GAREM1: variants seen among roughly 807,000 people sequenced by gnomAD.
GAREM1 encodes GRB2-associated and regulator of MAPK protein 1.
GAREM1 carries 26 observed loss-of-function variants against 71.3 expected under a neutral mutation model. That is an observed-to-expected ratio of 0.36 (90% CI 0.27 to 0.51). GAREM1 has a LOEUF of 0.51. Among genes scored for constraint, GAREM1 ranks in the 20% least tolerant of loss-of-function variants. The probability of loss-of-function intolerance (pLI) is 0.95; values close to 1 mark genes in which losing one functional copy is unlikely to be tolerated. For synonymous variants in GAREM1, 440 were observed against 433.2 expected (o/e 1.02, Z -0.20); for missense variants, 1,026 against 1,103.1 (o/e 0.93, Z 0.99).
chr18:32,321,261 T>G (rs975840024), intron 2 of GAREM1, among the ~76,000 whole-genome samples: 19 of 152,214 alleles, frequency 1.2e-4, no homozygotes, highest in Admixed American at 1.0e-3. Flanking sequence ...CTGCTCCACT[T>G]AGCTTATGCA....
intron 1 of GAREM1, among the ~76,000 whole-genome samples, chr18:32,465,586 T>G (rs1157841416): frequency 1.3e-5 from 2 of 152,164 alleles, no homozygotes; most frequent in Admixed American, 1.3e-4. Flanking sequence ...TTCTTCCCTC[T>G]CCCTGCCTTT....
chr18:32,412,821 T>A, intron 1 of GAREM1: 1 of 692,818 alleles, frequency 1.4e-6, no homozygotes, highest in East Asian at 2.7e-5. Context: ...TCTTAGGTGA[T>A]GTTCTTCAGT....
At chr18:32,295,895 T>C (rs563148352) in intron 3 of GAREM1, among the ~76,000 whole-genome samples, 3 of 152,302 alleles carry the variant, frequency 2.0e-5, no homozygotes, top group African/African-American at 2.4e-5. Flanking sequence ...TCGGTATTCA[T>C]CTGGTTCTAA....
intron 2 of GAREM1, among the ~76,000 whole-genome samples, chr18:32,375,384 T>C (rs1042190995): frequency 6.6e-6 from 1 of 152,200 alleles, no homozygotes; most frequent in Non-Finnish European, 1.5e-5. Flanking sequence ...TGACTTCATA[T>C]GGCCATCCCA....
intron 1 of GAREM1, among the ~76,000 whole-genome samples, chr18:32,442,864 G>A (rs2048752552): frequency 6.6e-6 from 1 of 152,154 alleles, no homozygotes; most frequent in Non-Finnish European, 1.5e-5. Flanking sequence ...AGAGCCTTCA[G>A]CACTACACTG....
chr18:32,447,405 C>T lies in GAREM1; in HGVS notation c.121+22903G>A, dbSNP rs377094063. Among the ~76,000 whole-genome samples, 9 of 152,178 alleles carry T rather than the reference C, an allele frequency of 5.9e-5. No individual in the cohort carries two copies. The South Asian group carries it at 1.5e-3, about 25-fold the overall frequency. ...TTAAAAGCTTATTAACAAAACCATT[C>T]GTCAAATAAATTTCTGAGTCACAGT... On this transcript the variant is annotated intron_variant, in intron 1 of 5. Coordinates refer to ENST00000269209, the MANE Select transcript of GAREM1 (RefSeq NM_001242409.2).
rs1015928527 is a variant in GAREM1, at chr18:32,352,343, C to T, written c.262+40552G>A. On this transcript the variant is annotated intron_variant, in intron 2 of 5. Transcript: ENST00000269209. ...TGGGGAAAATGCATCCCGTGGCCAG[C>T]GACACCTGGGGCGGCAAGAGCATCC... 3.2e-4 allele frequency among the ~76,000 whole-genome samples: 48 copies of T among 152,184 alleles called. 1 individual carries two copies. Among genetic ancestry groups the T allele is most frequent in the Non-Finnish European group, 8.8e-5 (6 of 68,044 alleles).
At chr18:32,385,745 G>A (rs770215088) in intron 2 of GAREM1, among the ~76,000 whole-genome samples, 5 of 152,084 alleles carry the variant, frequency 3.3e-5, no homozygotes, top group African/African-American at 9.7e-5. Context: ...TAGTGGAGAC[G>A]GGGGCAGGCT....
intron 4 of GAREM1, among the ~76,000 whole-genome samples, chr18:32,274,949 C>CA (rs2041518052): frequency 1.6e-5 from 2 of 121,780 alleles, no homozygotes; most frequent in Admixed American, 8.3e-5. Flanking sequence ...AGAAATGTCA[C>CA]AAAAAATACA....
intron 4 of GAREM1, among the ~76,000 whole-genome samples, chr18:32,272,447 A>G (rs2041476079): frequency 6.6e-6 from 1 of 152,230 alleles, no homozygotes; most frequent in Admixed American, 6.5e-5. Context: ...AGACTAAAAG[A>G]AAATATTCGG....
At chr18:32,365,892 C>T (rs377603090) in intron 2 of GAREM1, among the ~76,000 whole-genome samples, 39 of 152,204 alleles carry the variant, frequency 2.6e-4, no homozygotes, top group Non-Finnish European at 4.4e-4. Flanking sequence ...TGAGGCAATT[C>T]CATGGCTAGG....
chr18:32,318,753 A>T (rs936504771), intron 2 of GAREM1, among the ~76,000 whole-genome samples: 1 of 152,222 alleles, frequency 6.6e-6, no homozygotes, highest in Non-Finnish European at 1.5e-5. Flanking sequence ...TCAAATAAAA[A>T]GAAATGGAAT....
At position 32,470,567 on chromosome 18, in the gene GAREM1, G is replaced by C; in HGVS notation, c.-139C>G. 2.0e-6 allele frequency: 1 copy of C among 510,724 alleles called. No homozygotes were observed. Among genetic ancestry groups the C allele is most frequent in the Non-Finnish European group, 2.5e-6 (1 of 398,786 alleles). 31.6% of individuals were successfully genotyped at this position (510,724 alleles called of 1,614,324 possible). ...CAGCTCCGGCCGCGGGCAGCCGGGG[G>C]GGCGCGGCGACTGGGGCGGCCCGGA... is the stretch of plus-strand genomic sequence containing the variant. On this transcript the variant is annotated 5_prime_UTR_variant, in exon 1 of 6. Coordinates refer to ENST00000269209, the MANE Select transcript of GAREM1 (RefSeq NM_001242409.2). The surrounding 1 kb of genome is among the most constrained non-coding windows in gnomAD (Gnocchi z 4.4).
intron 1 of GAREM1, among the ~76,000 whole-genome samples, chr18:32,443,964 ACGAC>A (rs2048764745): frequency 6.6e-6 from 1 of 152,198 alleles, no homozygotes; most frequent in Non-Finnish European, 1.5e-5. Flanking sequence ...GAAACATCCT[ACGAC>A]ATGATGAACC....
In GAREM1 at chr18:32,265,646, A is replaced by C. The variant is rs1272502932; in HGVS notation, c.*2225T>G. The C allele has an allele frequency of 1.1e-4, 16 of 152,192 alleles. No homozygotes were observed. The highest frequency in any genetic ancestry group is 2.2e-4 in the Non-Finnish European group (15 of 68,038). The allele number at this position is 152,192 out of a possible 1,614,324, so 9.4% of individuals were successfully genotyped here. On this transcript the variant is annotated 3_prime_UTR_variant, in exon 6 of 6. Coordinates refer to ENST00000269209, the MANE Select transcript of GAREM1 (RefSeq NM_001242409.2). ...ATATAAACTTGACAAAAATACACCA[A>C]GTCCAAAACAAGCAAAAAGAATTTA...
At chr18:32,270,565 TC>T (rs1461596116) in intron 4 of GAREM1, among the ~76,000 whole-genome samples, 182 bp from the exon 5 acceptor site, 1 of 152,118 alleles carries the variant, frequency 6.6e-6, no homozygotes, top group African/African-American at 2.4e-5. Context: ...AGAGAGCAAA[TC>T]AGGCGCCTGT....
chr18:32,359,478 G>C (rs1455580296), intron 2 of GAREM1, among the ~76,000 whole-genome samples: 1 of 152,142 alleles, frequency 6.6e-6, no homozygotes, highest in African/African-American at 2.4e-5. Flanking sequence ...GTTCACAGTG[G>C]AGCCAAATGG....
intron 2 of GAREM1, among the ~76,000 whole-genome samples, chr18:32,318,462 T>A (rs1371118722): frequency 6.6e-6 from 1 of 152,034 alleles, no homozygotes; most frequent in Non-Finnish European, 1.5e-5. Context: ...TTGTCAGAAA[T>A]GAAAAGTGGA....
intron 2 of GAREM1, among the ~76,000 whole-genome samples, chr18:32,318,451 C>CT (rs2047400366): frequency 6.6e-6 from 1 of 152,152 alleles, no homozygotes. Flanking sequence ...GGAAAGGTCA[C>CT]TTGTCAGAAA....
Sources: allele counts gnomAD v4.1 joint callset (sites outside exome capture counted in the v4.1 genomes callset), GRCh38; gene constraint gnomAD v4.1.1; non-coding constraint Gnocchi (gnomAD v3.1); transcripts MANE v1.5; gene names NCBI Gene and HGNC (gene_info 2026-07-23, HGNC 2026-07-21).